Variants in SMAD3 observed in about 807,000 individuals in gnomAD.
SMAD3 encodes SMAD family member 3.
Under a neutral mutation model 51.8 loss-of-function variants are expected in SMAD3, and 12 were observed. That is an observed-to-expected ratio of 0.23 (90% CI 0.15 to 0.38). The LOEUF is 0.38. SMAD3 is among the 10% of genes least tolerant of loss of function. The pLI, the probability that SMAD3 is intolerant of heterozygous loss-of-function variation, is 1.00. For synonymous variants in SMAD3, 238 were observed against 227.7 expected, an observed-to-expected ratio of 1.05 and a Z score of -0.41; for missense variants, 294 against 565.6, an observed-to-expected ratio of 0.52 and a Z score of 4.87.
rs1567000748 is a variant in SMAD3, at chr15:67,183,019, ATATATATATATATTTTTTT to A, written c.871+1568_871+1586del. On this transcript the variant is annotated intron_variant, in intron 6 of 8. Transcript: ENST00000327367. Reference sequence around the variant, plus strand: ...AAAAAAAATATATATATATATATATATATATATATATATTTTTTTTTTTTTTTTTTTTGGAGCGGGGAGA... The same window carrying A: ...AAAAAAAATATATATATATATATATATTTTTTTTTTTTTGGAGCGGGGAGA... Among the ~76,000 whole-genome samples, 6 of 73,598 alleles carry A rather than the reference ATATATATATATATTTTTTT, an allele frequency of 8.2e-5. No homozygotes were observed. In the Admixed American group the frequency reaches 8.2e-4, roughly 10 times the overall value. 48.3% of individuals were successfully genotyped at this position (73,598 alleles called of 152,430 possible).
At chr15:67,182,321 G>A (rs61654823) in intron 6 of SMAD3, among the ~76,000 whole-genome samples, 2,170 of 152,320 alleles carry the variant, frequency 0.014, 62 homozygotes, top group African/African-American at 0.049. Context: ...ATGAAGCTGT[G>A]TTACGCATCA....
chr15:67,144,569 A>G (rs1961923873), intron 1 of SMAD3, among the ~76,000 whole-genome samples: 1 of 152,192 alleles, frequency 6.6e-6, no homozygotes, highest in Non-Finnish European at 1.5e-5. Context: ...CATGTTTGCT[A>G]TGTGCCAGGC....
intron 5 of SMAD3, 145 bp downstream of exon 5, chr15:67,170,749 G>C (rs954138918): frequency 1.4e-5 from 10 of 697,928 alleles, no homozygotes; most frequent in Non-Finnish European, 2.5e-5. Flanking sequence ...TTCTGGTTAC[G>C]GTGATGTTGA....
rs114538346 is a variant in SMAD3, at chr15:67,116,597, G to A, written c.207-48298G>A. ...ATTATTATGGGTATCATTCCTAGTGGTTCTGCAATTAGTCTTGACAGTAAG... is the reference window on the plus strand; with the variant it reads ...ATTATTATGGGTATCATTCCTAGTGATTCTGCAATTAGTCTTGACAGTAAG... On this transcript the variant is annotated intron_variant, in intron 1 of 8. Coordinates refer to ENST00000327367, the MANE Select transcript of SMAD3 (RefSeq NM_005902.4). 2.4e-3 allele frequency among the ~76,000 whole-genome samples: 358 copies of A among 152,280 alleles called. 3 individuals are homozygous for A. The highest frequency in any genetic ancestry group is 8.0e-3 in the African/African-American group (334 of 41,538).
At chr15:67,181,560 T>A (rs938949382) in intron 6 of SMAD3, 107 bp downstream of exon 6, 28 of 940,532 alleles carry the variant, frequency 3.0e-5, no homozygotes, top group Non-Finnish European at 4.4e-5. Context: ...CTTGCGTCCA[T>A]CCTTAGCTGT....
intron 8 of SMAD3, 134 bp from the exon 9 acceptor site, chr15:67,190,279 C>A: frequency 1.3e-6 from 1 of 798,476 alleles, no homozygotes; most frequent in South Asian, 1.6e-5. Context: ...GTTACTGGTA[C>A]CGCTTCTAGG....
chr15:67,159,567 T>A (rs979466768), intron 1 of SMAD3, among the ~76,000 whole-genome samples: 1 of 152,148 alleles, frequency 6.6e-6, no homozygotes, highest in Non-Finnish European at 1.5e-5. Flanking sequence ...GATATATGTA[T>A]ATACCTATGA....
At chr15:67,162,546 C>T (rs1261323410) in intron 1 of SMAD3, among the ~76,000 whole-genome samples, 1 of 152,188 alleles carries the variant, frequency 6.6e-6, no homozygotes, top group African/African-American at 2.4e-5. Context: ...ATCTCAGAGG[C>T]TACATACTGC....
chr15:67,069,266 A>G (rs1438372454), intron 1 of SMAD3, among the ~76,000 whole-genome samples: 1 of 152,166 alleles, frequency 6.6e-6, no homozygotes, highest in Non-Finnish European at 1.5e-5. Flanking sequence ...TAAGAGCTTC[A>G]TTTAGATACA....
At chr15:67,127,543 C>T (rs1961420380) in intron 1 of SMAD3, among the ~76,000 whole-genome samples, 1 of 152,212 alleles carries the variant, frequency 6.6e-6, no homozygotes, top group South Asian at 2.1e-4. Context: ...TGCTCATCCT[C>T]TCTCCTTCAC....
At chr15:67,137,061 G>A (rs934709988) in intron 1 of SMAD3, among the ~76,000 whole-genome samples, 2 of 152,224 alleles carry the variant, frequency 1.3e-5, no homozygotes, top group Non-Finnish European at 2.9e-5. Flanking sequence ...GCTGATCTAG[G>A]CAAGGTGACA....
rs148448193 is a variant in SMAD3 at position 67,112,395 on chromosome 15, A to G, written c.206+46035A>G. Among the ~76,000 whole-genome samples, 391 of 110,666 alleles carry G rather than the reference A, an allele frequency of 3.5e-3. 83 individuals are homozygous for G. Among genetic ancestry groups the G allele is most frequent in the African/African-American group, 0.015 (381 of 25,514 alleles). 72.6% of individuals were successfully genotyped at this position (110,666 alleles called of 152,430 possible). A position where few individuals can be genotyped will look rare whatever the true frequency, so the allele number is the denominator to read the frequency against. ...AAGCTGGTCTTGAACTCCTGACCTCAGGTGATCCACACGCCTTGGCCTCCC... is the reference window on the plus strand; with the variant it reads ...AAGCTGGTCTTGAACTCCTGACCTCGGGTGATCCACACGCCTTGGCCTCCC... On this transcript the variant is annotated intron_variant, in intron 1 of 8. Coordinates refer to ENST00000327367, the MANE Select transcript of SMAD3 (RefSeq NM_005902.4).
In SMAD3 at chr15:67,098,337, AGGGAGGGAGG is replaced by A. The variant is rs1310004253; in HGVS notation, c.206+31979_206+31988del. 4.6e-4 allele frequency among the ~76,000 whole-genome samples: 23 copies of A among 50,432 alleles called. No individual in the cohort carries two copies. In the South Asian group the frequency reaches 0.014, roughly 30 times the overall value. The allele number at this position is 50,432 out of a possible 152,430, so 33.1% of individuals were successfully genotyped here. On this transcript the variant is annotated intron_variant, in intron 1 of 8. Transcript: ENST00000327367. ...AAAAGAAGGAAGGAGGGAGGGAGGG[AGGGAGGGAGG>A]GAGAGAGCGAGCGAGCAAGCAAGCA...
In SMAD3 at chr15:67,194,673, T is replaced by C. The variant is rs1366664584; in HGVS notation, c.*4137T>C. ...GAGTTGGGGCACAGCCAGTTCTGAATGTTGGTGGAGGGTGTAGTGGCTTTT... is the reference window on the plus strand; with the variant it reads ...GAGTTGGGGCACAGCCAGTTCTGAACGTTGGTGGAGGGTGTAGTGGCTTTT... On this transcript the variant is annotated 3_prime_UTR_variant, in exon 9 of 9. Coordinates refer to ENST00000327367, the MANE Select transcript of SMAD3 (RefSeq NM_005902.4). The C allele has an allele frequency of 4.7e-5, 11 of 231,784 alleles. No homozygotes were observed. The East Asian group carries it at 6.7e-4, about 14-fold the overall frequency. 14.4% of individuals were successfully genotyped at this position (231,784 alleles called of 1,614,324 possible).
At chr15:67,117,948 C>T (rs938501697) in intron 1 of SMAD3, among the ~76,000 whole-genome samples, 5 of 152,154 alleles carry the variant, frequency 3.3e-5, no homozygotes, top group East Asian at 1.9e-4. Flanking sequence ...AAAAATTAGC[C>T]GGGCGTGGTG....
chr15:67,094,144 G>C (rs1325500689), intron 1 of SMAD3, among the ~76,000 whole-genome samples: 2 of 152,212 alleles, frequency 1.3e-5, no homozygotes, highest in African/African-American at 4.8e-5. Context: ...GGCCTGCGTG[G>C]GGTGGCCTGT....
In SMAD3 at chr15:67,193,558, C is replaced by G. The variant is rs1192307512; in HGVS notation, c.*3022C>G. The G allele has an allele frequency of 4.3e-6, 1 of 232,376 alleles. No homozygotes were observed. The highest frequency in any genetic ancestry group is 2.2e-5 in the African/African-American group (1 of 44,818). The allele number at this position is 232,376 out of a possible 1,614,324, so 14.4% of individuals were successfully genotyped here. ...AACATCATCTCAGTTGGCCACCTTCCTGGCAGGCTGTAGACCTGACATTTT... is the reference window on the plus strand; with the variant it reads ...AACATCATCTCAGTTGGCCACCTTCGTGGCAGGCTGTAGACCTGACATTTT... On this transcript the variant is annotated 3_prime_UTR_variant, in exon 9 of 9. Coordinates refer to ENST00000327367, the MANE Select transcript of SMAD3 (RefSeq NM_005902.4).
intron 5 of SMAD3, among the ~76,000 whole-genome samples, chr15:67,173,005 G>T (rs1306267145): frequency 6.6e-6 from 1 of 152,136 alleles, no homozygotes; most frequent in Non-Finnish European, 1.5e-5. Context: ...ATTGGAAGAG[G>T]GACCACAGAC....
intron 1 of SMAD3, among the ~76,000 whole-genome samples, chr15:67,102,894 T>C (rs1960792232): frequency 6.6e-6 from 1 of 152,190 alleles, no homozygotes; most frequent in African/African-American, 2.4e-5. Context: ...CCACAACTGC[T>C]GCCATGTTTT....
Sources: gnomAD v4.1 joint callset for allele counts (sites outside exome capture counted in the v4.1 genomes callset) on GRCh38, gnomAD v4.1.1 for gene constraint, MANE v1.5 for transcripts, NCBI Gene and HGNC (gene_info 2026-07-23, HGNC 2026-07-21) for gene names.